The following TAFA5 variants were observed in gnomAD, a reference collection of about 807,000 sequenced individuals.
TAFA5 encodes TAFA chemokine like family member 5.
A neutral mutation model predicts 15.3 loss-of-function variants in TAFA5; 6 were observed. The ratio of observed to expected loss-of-function variants is 0.39; its 90% confidence interval spans 0.21 to 0.77. The LOEUF is 0.77. TAFA5 is among the 30% of genes least tolerant of loss of function. TAFA5 has a pLI of 0.41. For missense variants in TAFA5, 161 were observed against 193.1 expected, an observed-to-expected ratio of 0.83 and a Z score of 0.98; for synonymous variants, 103 against 80.7, an observed-to-expected ratio of 1.28 and a Z score of -1.48.
At chr22:48,584,898 TCTC>T (rs1924279093) in intron 1 of TAFA5, among the ~76,000 whole-genome samples, 1 of 116,010 alleles carries the variant, frequency 8.6e-6, no homozygotes, top group Non-Finnish European at 1.8e-5. Flanking sequence ...ACAAAATACA[TCTC>T]ACACACACAC....
intron 1 of TAFA5, among the ~76,000 whole-genome samples, chr22:48,564,130 G>A (rs944433986): frequency 6.6e-6 from 1 of 152,240 alleles, no homozygotes; most frequent in African/African-American, 2.4e-5. Flanking sequence ...TCATCCCCTG[G>A]TCACGCTGTG....
chr22:48,632,166 C>T (rs1926253643), intron 1 of TAFA5, among the ~76,000 whole-genome samples: 1 of 152,186 alleles, frequency 6.6e-6, no homozygotes, highest in African/African-American at 2.4e-5. Context: ...CCCAGGGAGA[C>T]CCCACACATG....
intron 1 of TAFA5, among the ~76,000 whole-genome samples, chr22:48,577,303 C>T (rs1375318804): frequency 2.0e-5 from 3 of 152,142 alleles, no homozygotes; most frequent in Non-Finnish European, 2.9e-5. Context: ...GATGGGCGGT[C>T]GGTCGGCTCC....
At chr22:48,575,223 T>C (rs970053521) in intron 1 of TAFA5, among the ~76,000 whole-genome samples, 7 of 152,132 alleles carry the variant, frequency 4.6e-5, no homozygotes, top group Non-Finnish European at 1.0e-4. Context: ...GGGCCGGCTC[T>C]GCAGTGAGGC....
intron 2 of TAFA5, among the ~76,000 whole-genome samples, chr22:48,670,888 T>C (rs1357234052): frequency 6.6e-6 from 1 of 152,198 alleles, no homozygotes; most frequent in Non-Finnish European, 1.5e-5. Context: ...GGAAACACCG[T>C]TCCCAAAGCC....
intron 1 of TAFA5, among the ~76,000 whole-genome samples, chr22:48,640,555 AGGGCT>A (rs201248109): frequency 6.6e-6 from 1 of 151,850 alleles, no homozygotes; most frequent in Non-Finnish European, 1.5e-5. Context: ...AGGGCAGGGC[AGGGCT>A]GGGCTGGGCT....
chr22:48,578,774 C>T (rs1471883278), intron 1 of TAFA5, among the ~76,000 whole-genome samples: 1 of 152,218 alleles, frequency 6.6e-6, no homozygotes, highest in Non-Finnish European at 1.5e-5. Context: ...TGGGCAGCCT[C>T]CCTGTCCTTG....
intron 1 of TAFA5, among the ~76,000 whole-genome samples, chr22:48,532,599 T>G (rs760081712): frequency 1.3e-5 from 2 of 152,158 alleles, no homozygotes; most frequent in African/African-American, 2.4e-5. Flanking sequence ...GACACTATAG[T>G]CACGTCCAGC....
chr22:48,573,913 G>A (rs1483171708), intron 1 of TAFA5, among the ~76,000 whole-genome samples: 2 of 152,174 alleles, frequency 1.3e-5, no homozygotes, highest in Non-Finnish European at 2.9e-5. Flanking sequence ...AGGTCCCTTT[G>A]GGGGCCAGGG....
chr22:48,674,010 G>T (rs73175143), intron 2 of TAFA5, among the ~76,000 whole-genome samples: 1 of 151,492 alleles, frequency 6.6e-6, no homozygotes, highest in Admixed American at 6.6e-5. Context: ...CTTTTTGCCC[G>T]CCTCACATCT....
chr22:48,570,870 T>C (rs983227219), intron 1 of TAFA5, among the ~76,000 whole-genome samples: 5 of 152,248 alleles, frequency 3.3e-5, no homozygotes, highest in Non-Finnish European at 7.3e-5. Context: ...AGATATACCA[T>C]TGTAAAGATT....
intron 1 of TAFA5, among the ~76,000 whole-genome samples, chr22:48,588,660 G>A (rs1439475623): frequency 6.6e-6 from 1 of 152,192 alleles, no homozygotes; most frequent in Non-Finnish European, 1.5e-5. Context: ...CGGGGATGGG[G>A]GCACGATTCG....
chr22:48,533,525 G>A (rs371454799), intron 1 of TAFA5, among the ~76,000 whole-genome samples: 1 of 152,206 alleles, frequency 6.6e-6, no homozygotes, highest in Admixed American at 6.5e-5. Context: ...TCAGCAGGAT[G>A]TATTTTGGTC....
At chr22:48,532,369 A>G (rs1922003417) in intron 1 of TAFA5, among the ~76,000 whole-genome samples, 1 of 152,182 alleles carries the variant, frequency 6.6e-6, no homozygotes. Context: ...TCCGGTGAGG[A>G]GTACATGTTG....
intron 2 of TAFA5, among the ~76,000 whole-genome samples, chr22:48,675,497 T>C (rs577227950): frequency 2.9e-4 from 44 of 152,338 alleles, no homozygotes; most frequent in Admixed American, 1.8e-3. Context: ...ATTCCTGTTA[T>C]CAGGGCAGCA....
chr22:48,580,631 AC>A (rs1483994119), intron 1 of TAFA5, among the ~76,000 whole-genome samples: 3 of 152,106 alleles, frequency 2.0e-5, no homozygotes, highest in Admixed American at 2.0e-4. Flanking sequence ...TGAGTGTCTA[AC>A]GGTGGAGGAG....
At chr22:48,687,286 G>A (rs941571737) in intron 2 of TAFA5, among the ~76,000 whole-genome samples, 6 of 150,064 alleles carry the variant, frequency 4.0e-5, no homozygotes, top group Admixed American at 2.0e-4. Flanking sequence ...GATGGTGGAC[G>A]GATGGATGGG....
intron 1 of TAFA5, among the ~76,000 whole-genome samples, chr22:48,602,886 G>A (rs1352785793): frequency 6.6e-6 from 1 of 152,188 alleles, no homozygotes; most frequent in Non-Finnish European, 1.5e-5. Flanking sequence ...GAGACGTGCG[G>A]GGCTGGAGGA....
At chr22:48,642,074 G>A (rs1347412767) in intron 1 of TAFA5, among the ~76,000 whole-genome samples, 1 of 152,002 alleles carries the variant, frequency 6.6e-6, no homozygotes, top group Non-Finnish European at 1.5e-5. Flanking sequence ...GGAGGGGCCT[G>A]CACTTTTCTG....
Sources: gnomAD v4.1 joint callset for allele counts (sites outside exome capture counted in the v4.1 genomes callset) on GRCh38, gnomAD v4.1.1 for gene constraint, MANE v1.5 for transcripts, NCBI Gene and HGNC (gene_info 2026-07-23, HGNC 2026-07-21) for gene names.